The following NAALADL2 variants were observed in gnomAD, a reference collection of about 807,000 sequenced individuals.
The protein encoded by NAALADL2 is N-acetylated alpha-linked acidic dipeptidase like 2, also known as inactive N-acetylated-alpha-linked acidic dipeptidase-like protein 2.
In NAALADL2, 76 loss-of-function variants were observed where a neutral mutation model predicts 87.2. That is an observed-to-expected ratio of 0.87 (90% CI 0.72 to 1.05). The LOEUF is 1.05. Among genes scored for constraint, NAALADL2 ranks in the 50% least tolerant of loss-of-function variants. The pLI is 0.00. For synonymous variants in NAALADL2, 354 were observed against 331.0 expected (o/e 1.07, Z -0.75); for missense variants, 1,089 against 945.8 (o/e 1.15, Z -1.99).
chr3:175,082,290 T>C (rs533389197), intron 1 of NAALADL2, among the ~76,000 whole-genome samples: 7 of 152,300 alleles, frequency 4.6e-5, no homozygotes, highest in Non-Finnish European at 7.4e-5. Flanking sequence ...TGGATTCAAG[T>C]GGAATGGAAG....
At chr3:175,380,892 GT>G (rs907234785) in intron 5 of NAALADL2, among the ~76,000 whole-genome samples, 9 of 150,758 alleles carry the variant, frequency 6.0e-5, no homozygotes, top group East Asian at 5.9e-4. Context: ...TTTAAATATT[GT>G]TTTTTTTTAA....
At chr3:175,579,895 T>A (rs1352023403) in intron 10 of NAALADL2, among the ~76,000 whole-genome samples, 1 of 152,130 alleles carries the variant, frequency 6.6e-6, no homozygotes, top group Non-Finnish European at 1.5e-5. Flanking sequence ...TATCAGAAGA[T>A]CAATCCATGC....
chr3:175,718,378 A>G, intron 11 of NAALADL2: 3 of 1,596,616 alleles, frequency 1.9e-6, no homozygotes, highest in Non-Finnish European at 2.6e-6. Context: ...CCACCACTCC[A>G]TTAGAACTAT....
chr3:175,083,989 G>T (rs1348776058), intron 1 of NAALADL2, among the ~76,000 whole-genome samples: 6 of 152,218 alleles, frequency 3.9e-5, no homozygotes, highest in African/African-American at 1.4e-4. Flanking sequence ...TGTGTATGCC[G>T]AGAAGAAGCT....
At chr3:174,904,811 A>C (rs1732781848) in intron 1 of NAALADL2, among the ~76,000 whole-genome samples, 1 of 151,850 alleles carries the variant, frequency 6.6e-6, no homozygotes, top group African/African-American at 2.4e-5. Flanking sequence ...TTACATCACC[A>C]ATTTTGATGC....
At chr3:175,244,090 T>C (rs1394777547) in intron 3 of NAALADL2, among the ~76,000 whole-genome samples, 2 of 152,188 alleles carry the variant, frequency 1.3e-5, no homozygotes, top group East Asian at 1.9e-4. Flanking sequence ...AGAGAGATGA[T>C]TGACTTTCAC....
At chr3:175,140,610 G>T (rs1490236324) in intron 2 of NAALADL2, among the ~76,000 whole-genome samples, 2 of 152,098 alleles carry the variant, frequency 1.3e-5, no homozygotes, top group Non-Finnish European at 2.9e-5. Context: ...ACCATGGGGG[G>T]AGGTGCAAGA....
At chr3:175,447,024 T>C (rs1271970926) in intron 5 of NAALADL2, among the ~76,000 whole-genome samples, 2 of 152,298 alleles carry the variant, frequency 1.3e-5, no homozygotes, top group East Asian at 3.9e-4. Context: ...TTAACTAGGA[T>C]ATGTCATTAT....
chr3:175,358,002 A>G (rs935479756), intron 5 of NAALADL2, among the ~76,000 whole-genome samples: 4 of 152,184 alleles, frequency 2.6e-5, no homozygotes, highest in African/African-American at 4.8e-5. Context: ...GGCAGCAGAT[A>G]GCTTAGTTTA....
chr3:175,541,991 G>C (rs545964309), intron 9 of NAALADL2, among the ~76,000 whole-genome samples: 10 of 152,180 alleles, frequency 6.6e-5, no homozygotes, highest in South Asian at 2.1e-4. Context: ...AGTGTTAATT[G>C]TAAGTGTGAG....
intron 2 of NAALADL2, among the ~76,000 whole-genome samples, chr3:174,595,332 G>T: frequency 6.6e-6 from 1 of 152,134 alleles, no homozygotes; most frequent in African/African-American, 2.4e-5. Context: ...ACTTTCTAGA[G>T]AAAGTAGAAT....
intron 9 of NAALADL2, among the ~76,000 whole-genome samples, chr3:175,558,989 A>T (rs56063720): frequency 0.13 from 19,651 of 152,110 alleles, 1,371 homozygotes; most frequent in Middle Eastern, 0.17. Flanking sequence ...GGTAGGGATT[A>T]CATTAAATCT....
At chr3:175,173,349 TAAGC>T (rs1204030541) in intron 2 of NAALADL2, among the ~76,000 whole-genome samples, 2 of 143,564 alleles carry the variant, frequency 1.4e-5, no homozygotes, top group African/African-American at 5.1e-5. Context: ...AATAAATAAA[TAAGC>T]AAGCCAGGCA....
chr3:174,510,327 T>A (rs940887183), intron 1 of NAALADL2, among the ~76,000 whole-genome samples: 1 of 152,116 alleles, frequency 6.6e-6, no homozygotes, highest in African/African-American at 2.4e-5. Flanking sequence ...TTTTATTTTT[T>A]TTGCTTAAAC....
chr3:175,296,739 A>G (rs1756442404), intron 4 of NAALADL2, among the ~76,000 whole-genome samples: 1 of 152,222 alleles, frequency 6.6e-6, no homozygotes, highest in Non-Finnish European at 1.5e-5. Flanking sequence ...TTGCTAAGTA[A>G]TAACATTAAG....
intron 1 of NAALADL2, among the ~76,000 whole-genome samples, chr3:174,962,562 C>T (rs888886116): frequency 6.6e-6 from 1 of 151,526 alleles, no homozygotes; most frequent in Non-Finnish European, 1.5e-5. Context: ...ATATAAGTCA[C>T]TGGTGCACAA....
At chr3:175,362,676 C>A (rs1312503987) in intron 5 of NAALADL2, among the ~76,000 whole-genome samples, 1 of 148,138 alleles carries the variant, frequency 6.8e-6, no homozygotes, top group African/African-American at 2.5e-5. Flanking sequence ...ATAATGGCTT[C>A]TTTTCCTATG....
In NAALADL2 at chr3:175,087,255, C is replaced by A. The variant is rs115953256; in HGVS notation, c.44-9535C>A. 1.1e-3 allele frequency among the ~76,000 whole-genome samples: 172 copies of A among 152,134 alleles called. 1 individual carries two copies. Among genetic ancestry groups the A allele is most frequent in the African/African-American group, 4.1e-3 (171 of 41,506 alleles). On this transcript the variant is annotated intron_variant, in intron 1 of 13. Coordinates refer to ENST00000454872, the MANE Select transcript of NAALADL2 (RefSeq NM_207015.3). ...AGGAAGGTGGGGGGCAGCCCCTGCC[C>A]GGCCAGCTGCCCTGCCCGGGAGGGA...
chr3:174,727,441 A>G lies in NAALADL2; in HGVS notation c.-114-10200A>G, dbSNP rs1211816667. On this transcript the variant is annotated intron_variant, in intron 2 of 3. Transcript: ENST00000434257. ...AGTCTTGGAGCATGGGTACTACCAT[A>G]TTCTTTAAACAAATTGTATAATCTA... is the stretch of plus-strand genomic sequence containing the variant. Among the ~76,000 whole-genome samples, 5 of 152,108 alleles carry G rather than the reference A, an allele frequency of 3.3e-5. No individual in the cohort carries two copies. In the South Asian group the frequency reaches 1.0e-3, roughly 31 times the overall value.
Sources: gnomAD v4.1 joint callset for allele counts (sites outside exome capture counted in the v4.1 genomes callset) on GRCh38, gnomAD v4.1.1 for gene constraint, MANE v1.5 for transcripts, NCBI Gene and HGNC (gene_info 2026-07-23, HGNC 2026-07-21) for gene names.